Variants in SOX6 observed in about 807,000 individuals in gnomAD.
SOX6 encodes SRY-box transcription factor 6.
In SOX6, 11 loss-of-function variants were observed where a neutral mutation model predicts 97.8. The ratio of observed to expected loss-of-function variants is 0.11; its 90% CI spans 0.07 to 0.19. The LOEUF (loss-of-function observed/expected upper bound fraction) is 0.19, where lower values mean the gene tolerates loss of function less well. SOX6 is among the 10% of genes least tolerant of loss of function. SOX6 has a pLI of 1.00. For missense variants in SOX6, 810 were observed against 1,039.5 expected (o/e 0.78, Z 3.04); for synonymous variants, 360 against 371.4 (o/e 0.97, Z 0.35).
intron 6 of SOX6, among the ~76,000 whole-genome samples, chr11:16,156,353 C>A (rs1014075321): frequency 6.6e-6 from 1 of 151,934 alleles, no homozygotes; most frequent in African/African-American, 2.4e-5. Flanking sequence ...ATTACTCCAC[C>A]CTTTAAATGT....
At position 16,241,565 on chromosome 11, in the gene SOX6, T is replaced by C. The variant is rs548131295; in HGVS notation, c.446-6894A>G. Among the ~76,000 whole-genome samples, 12 of 152,182 alleles carry C rather than the reference T, an allele frequency of 7.9e-5. No homozygotes were observed. In the Admixed American group the frequency reaches 7.9e-4, roughly 10 times the overall value. ...TAATTTCTGTATCCAGTGTGTCCTA[T>C]ATTCTTTATTTTGGTTTCTTTGGGA... On this transcript the variant is annotated intron_variant, in intron 3 of 15. Transcript: ENST00000683767.
chr11:16,259,721 C>T (rs530332670), intron 3 of SOX6, among the ~76,000 whole-genome samples: 94 of 152,156 alleles, frequency 6.2e-4, no homozygotes, highest in African/African-American at 2.1e-3. Context: ...CAAAATTAAT[C>T]TATGGTAATA....
intron 12 of SOX6, among the ~76,000 whole-genome samples, chr11:16,032,074 C>T (rs1370904184): frequency 6.6e-6 from 1 of 152,078 alleles, no homozygotes; most frequent in Non-Finnish European, 1.5e-5. Flanking sequence ...AAATTTTCAT[C>T]TCCGTAAGAG....
chr11:16,358,592 G>A (rs778907311), upstream of SOX6, among the ~76,000 whole-genome samples: 3 of 152,052 alleles, frequency 2.0e-5, no homozygotes, highest in Non-Finnish European at 4.4e-5. Flanking sequence ...TAAATAAGAA[G>A]TGTTTGGAGA....
chr11:16,084,094 G>A (rs1848529062), intron 9 of SOX6, among the ~76,000 whole-genome samples: 1 of 152,108 alleles, frequency 6.6e-6, no homozygotes, highest in African/African-American at 2.4e-5. Context: ...GCACTGTACT[G>A]GGCCTCATGC....
At chr11:16,116,178 T>G (rs1849343084) in intron 6 of SOX6, among the ~76,000 whole-genome samples, 1 of 152,114 alleles carries the variant, frequency 6.6e-6, no homozygotes, top group African/African-American at 2.4e-5. Context: ...ATTACATAAG[T>G]AATAATAGTA....
chr11:16,443,510 T>C (rs1162477435), intron 1 of SOX6, among the ~76,000 whole-genome samples: 2 of 152,212 alleles, frequency 1.3e-5, no homozygotes, highest in Non-Finnish European at 2.9e-5. Flanking sequence ...CCACAAATTG[T>C]TTTTAAGTTT....
In SOX6 at chr11:15,989,114, T is replaced by G; in HGVS notation, c.1849A>C (p.Ser617Arg). Residue 617 changes from serine (S) to arginine (R), a missense_variant, in exon 14 of 16, where the codon AGC becomes CGC. Physicochemically the swap from Ser to Arg is moderately radical, Grantham distance 110. Coordinates refer to ENST00000683767, the MANE Select transcript of SOX6 (RefSeq NM_001367873.1). ...ATTGGTCGCTTAATGTGTGGCTCGC[T>G]GCTGGCACGGCCGCGGGCGTCCCTG... ...VYRDARGRAS[S>R]EPHIKRPMNA... 6.2e-7 allele frequency: 1 copy of G among 1,614,222 alleles called. No homozygotes were observed. The highest frequency in any genetic ancestry group is 2.2e-5 in the East Asian group (1 of 44,886).
At chr11:16,247,454 T>G (rs934149763) in intron 3 of SOX6, among the ~76,000 whole-genome samples, 1 of 152,098 alleles carries the variant, frequency 6.6e-6, no homozygotes, top group Admixed American at 6.6e-5. Flanking sequence ...TGCCCGAGAC[T>G]GGGTAATTTA....
chr11:15,998,541 C>T (rs1252036553), intron 13 of SOX6, among the ~76,000 whole-genome samples: 1 of 151,580 alleles, frequency 6.6e-6, no homozygotes, highest in Non-Finnish European at 1.5e-5. Context: ...ATAAAAATTC[C>T]TCAAAGTTTT....
intron 6 of SOX6, among the ~76,000 whole-genome samples, chr11:16,161,165 G>T (rs1323668779): frequency 6.6e-6 from 1 of 152,010 alleles, no homozygotes; most frequent in African/African-American, 2.4e-5. Flanking sequence ...GATGTCACTG[G>T]ACAAGAAGTT....
At chr11:16,422,999 T>C (rs778947065) in intron 1 of SOX6, among the ~76,000 whole-genome samples, 6 of 152,140 alleles carry the variant, frequency 3.9e-5, no homozygotes, top group African/African-American at 1.4e-4. Context: ...AAATGTAAAT[T>C]ATATCAGTTT....
chr11:16,554,669 A>T (rs77282076), intron 4 of SOX6, among the ~76,000 whole-genome samples: 107 of 152,270 alleles, frequency 7.0e-4, no homozygotes, highest in Non-Finnish European at 1.3e-3. Context: ...ATTTCTGGAA[A>T]TATGAAGCAG....
rs558505359 is a variant in SOX6 at position 16,513,361 on chromosome 11, A to G, written n.610-36973T>C. On this transcript the variant is annotated intron_variant and non_coding_transcript_variant, in intron 4 of 5. Transcript: ENST00000524520. ...AAAACAGTGGAAGGGGGCCGGGCAC[A>G]GTGGCTCAGGCCTGTAATCCCAGCA... Among the ~76,000 whole-genome samples, 16 of 152,352 alleles carry G rather than the reference A, an allele frequency of 1.1e-4. No individual in the cohort carries two copies. The South Asian group carries it at 2.3e-3, about 22-fold the overall frequency.
chr11:16,570,193 T>C, intron 4 of SOX6, among the ~76,000 whole-genome samples: 1 of 152,182 alleles, frequency 6.6e-6, no homozygotes, highest in Non-Finnish European at 1.5e-5. Flanking sequence ...ATTCTAGCAA[T>C]TGATCGTATA....
At chr11:15,981,269 AG>A (rs1438265684) in intron 15 of SOX6, among the ~76,000 whole-genome samples, 2 of 152,116 alleles carry the variant, frequency 1.3e-5, no homozygotes, top group Non-Finnish European at 2.9e-5. Flanking sequence ...TGTTTGTAAA[AG>A]TATATACATG....
intron 2 of SOX6, among the ~76,000 whole-genome samples, chr11:16,729,844 A>G (rs143685730): frequency 0.018 from 2,742 of 152,196 alleles, 75 homozygotes; most frequent in East Asian, 0.053. Flanking sequence ...GCAAAGACAC[A>G]CATAGGCTCA....
chr11:16,590,211 G>A (rs1037959695), intron 4 of SOX6, among the ~76,000 whole-genome samples: 1 of 152,128 alleles, frequency 6.6e-6, no homozygotes, highest in South Asian at 2.1e-4. Context: ...CAGGTAGGAC[G>A]CTTGCTTTTC....
chr11:16,733,291 A>C (rs1848364926), intron 2 of SOX6, among the ~76,000 whole-genome samples: 1 of 152,204 alleles, frequency 6.6e-6, no homozygotes, highest in Admixed American at 6.5e-5. Flanking sequence ...TGTTTATTGG[A>C]GCACTGTTCA....
Sources: gnomAD v4.1 joint callset for allele counts (sites outside exome capture counted in the v4.1 genomes callset) on GRCh38, gnomAD v4.1.1 for gene constraint, MANE v1.5 for transcripts, NCBI Gene and HGNC (gene_info 2026-07-23, HGNC 2026-07-21) for gene names.